PTPRC: variants seen among roughly 807,000 people sequenced by gnomAD.
PTPRC encodes the protein protein tyrosine phosphatase receptor type C, also known as receptor-type tyrosine-protein phosphatase C.
In PTPRC, 44 loss-of-function variants were observed where a neutral mutation model predicts 155.9. The observed-to-expected ratio is 0.28, with a 90% CI of 0.22 to 0.36. The LOEUF is 0.36. Ranked by LOEUF, PTPRC falls within the 10% of genes least tolerant of loss-of-function variation. The pLI, the probability that PTPRC is intolerant of heterozygous loss-of-function variation, is 1.00. For synonymous variants in PTPRC, 525 were observed against 533.1 expected (o/e 0.98, Z 0.21); for missense variants, 1,401 against 1,564.6 (o/e 0.90, Z 1.76).
chr1:198,704,462 T>C lies in PTPRC; in HGVS notation c.659-10T>C. ...ATTTTAATAATTTACATTTTTTTTC[T>C]CCATTACAGCTACTACTCCATCTAA... On this transcript the variant is annotated splice_polypyrimidine_tract_variant and intron_variant, in intron 7 of 32. Coordinates refer to ENST00000442510, the MANE Select transcript of PTPRC (RefSeq NM_002838.5). 6.2e-7 allele frequency: 1 copy of C among 1,613,892 alleles called. No homozygotes were observed. The highest frequency in any genetic ancestry group is 8.5e-7 in the Non-Finnish European group (1 of 1,179,924).
Position 198,729,146 on chromosome 1 carries a change from T to C in PTPRC, c.1839T>C (p.Asp613=). Residue 613 remains aspartate (D), a synonymous_variant, in exon 17 of 33, where the codon GAT becomes GAC. Transcript: ENST00000442510. ...DLHKKRSCNL[D]EQQELVERDD... ...TTTCCTATTTTCACAGCAATTTAGA[T>C]GAACAGCAGGAGCTTGTTGAAAGGG... 1.2e-6 allele frequency: 2 copies of C among 1,611,032 alleles called. No homozygotes were observed. Among genetic ancestry groups the C allele is most frequent in the Non-Finnish European group, 1.7e-6 (2 of 1,178,312 alleles).
chr1:198,662,690 T>C (rs1664044969), intron 2 of PTPRC, among the ~76,000 whole-genome samples: 1 of 152,144 alleles, frequency 6.6e-6, no homozygotes, highest in South Asian at 2.1e-4. Flanking sequence ...CCTGCCTTTT[T>C]CTTCCACTTT....
At chr1:198,654,470 G>A (rs768066465) in intron 2 of PTPRC, among the ~76,000 whole-genome samples, 1 of 151,708 alleles carries the variant, frequency 6.6e-6, no homozygotes, top group Non-Finnish European at 1.5e-5. Flanking sequence ...TATATACACA[G>A]ATTACAAGTA....
chr1:198,666,108 C>T (rs775318156), intron 2 of PTPRC, among the ~76,000 whole-genome samples: 7 of 151,904 alleles, frequency 4.6e-5, no homozygotes, highest in Non-Finnish European at 8.8e-5. Flanking sequence ...GGTATAGTGC[C>T]TGTGGTCCCA....
At chr1:198,691,325 A>G (rs1665912323) in intron 2 of PTPRC, among the ~76,000 whole-genome samples, 1 of 152,032 alleles carries the variant, frequency 6.6e-6, no homozygotes. Context: ...TATTACTCTC[A>G]AGTTCAGTGA....
chr1:198,684,114 T>C (rs925061688), intron 2 of PTPRC, among the ~76,000 whole-genome samples: 4 of 151,242 alleles, frequency 2.6e-5, no homozygotes, highest in Non-Finnish European at 5.9e-5. Context: ...AGCGATAAAA[T>C]TTTCCCCCTG....
At chr1:198,688,555 A>G (rs1181265962) in intron 2 of PTPRC, among the ~76,000 whole-genome samples, 2 of 152,190 alleles carry the variant, frequency 1.3e-5, no homozygotes, top group East Asian at 3.8e-4. Context: ...TCTGTAATAA[A>G]TTAACTTGAC....
At chr1:198,721,335 A>G (rs540783902) in intron 14 of PTPRC, among the ~76,000 whole-genome samples, 1 of 152,124 alleles carries the variant, frequency 6.6e-6, no homozygotes, top group South Asian at 2.1e-4. Flanking sequence ...TTTCGGATTA[A>G]AAGTGTTTTC....
intron 3 of PTPRC, among the ~76,000 whole-genome samples, chr1:198,696,385 G>A (rs1666205327): frequency 6.6e-6 from 1 of 151,756 alleles, no homozygotes; most frequent in South Asian, 2.1e-4. Flanking sequence ...GCTTTGGATA[G>A]GCGAGAAGCT....
intron 2 of PTPRC, among the ~76,000 whole-genome samples, chr1:198,647,808 G>T (rs1168535334): frequency 6.6e-6 from 1 of 151,698 alleles, no homozygotes; most frequent in East Asian, 1.9e-4. Flanking sequence ...ACTATTTTGT[G>T]AGTGTTTTCC....
chr1:198,707,607 A>C (rs1166377070), intron 9 of PTPRC, among the ~76,000 whole-genome samples: 1 of 152,214 alleles, frequency 6.6e-6, no homozygotes, highest in Non-Finnish European at 1.5e-5. Flanking sequence ...AAATATGTTA[A>C]CATCAAATGT....
chr1:198,671,706 G>A (rs958373234), intron 2 of PTPRC, among the ~76,000 whole-genome samples: 1 of 152,140 alleles, frequency 6.6e-6, no homozygotes, highest in Non-Finnish European at 1.5e-5. Flanking sequence ...AACTTCTTTT[G>A]TTAACTTGCC....
chr1:198,694,704 ACT>A (rs1666107325), intron 3 of PTPRC: 5 of 969,360 alleles, frequency 5.2e-6, no homozygotes, highest in Non-Finnish European at 4.9e-6. Flanking sequence ...AGAATTCTAA[ACT>A]CTCTCCTTCC....
intron 2 of PTPRC, among the ~76,000 whole-genome samples, chr1:198,665,344 T>C (rs1258681763): frequency 6.6e-6 from 1 of 151,844 alleles, no homozygotes; most frequent in East Asian, 1.9e-4. Context: ...ATGAGTTAAA[T>C]ATCATATTTT....
chr1:198,645,376 C>T (rs1662885913), intron 2 of PTPRC, among the ~76,000 whole-genome samples: 1 of 151,658 alleles, frequency 6.6e-6, no homozygotes, highest in Non-Finnish European at 1.5e-5. Context: ...TAATAATTTA[C>T]TGATAAAACA....
chr1:198,644,664 T>C (rs1662839747), intron 2 of PTPRC, among the ~76,000 whole-genome samples: 1 of 151,824 alleles, frequency 6.6e-6, no homozygotes, highest in Non-Finnish European at 1.5e-5. Flanking sequence ...CTCTTTCATC[T>C]AGGACAAGAA....
At chr1:198,754,172 A>C in intron 31 of PTPRC, 97 bp from the exon 32 acceptor site, 1 of 1,400,350 alleles carries the variant, frequency 7.1e-7, no homozygotes, top group South Asian at 1.2e-5. Flanking sequence ...GATAAACATG[A>C]AGCAAAAAAT....
chr1:198,668,031 T>C (rs1283501342), intron 2 of PTPRC, among the ~76,000 whole-genome samples: 1 of 152,230 alleles, frequency 6.6e-6, no homozygotes, highest in Admixed American at 6.5e-5. Context: ...TGAATACAGA[T>C]GTGAGAGTTA....
intron 32 of PTPRC, among the ~76,000 whole-genome samples, chr1:198,755,468 C>T (rs1297542939): frequency 6.8e-6 from 1 of 146,044 alleles, no homozygotes; most frequent in Non-Finnish European, 1.5e-5. Flanking sequence ...ATTTACTAAT[C>T]AATGTAGTGA....
Sources: gnomAD v4.1 joint callset for allele counts (sites outside exome capture counted in the v4.1 genomes callset) on GRCh38, gnomAD v4.1.1 for gene constraint, MANE v1.5 for transcripts, NCBI Gene and HGNC (gene_info 2026-07-23, HGNC 2026-07-21) for gene names.